Variants in VCF1 observed in about 807,000 individuals in gnomAD.
VCF1 encodes VCP nuclear cofactor family member 1, also known as protein VCF1.
At chr17:73,213,227 A>G in the VCF1 span, among the ~76,000 whole-genome samples, 1 of 104,242 alleles carries the variant, frequency 9.6e-6, no homozygotes, top group Non-Finnish European at 2.2e-5. Context: ...CTGGCAACAA[A>G]GCAAGACTGT....
At chr17:73,229,251 C>A in the VCF1 span, 3 of 985,310 alleles carry the variant, frequency 3.0e-6, no homozygotes, top group Non-Finnish European at 3.6e-6. Flanking sequence ...TCTTCATTTG[C>A]CTTTTTCTAG....
the VCF1 span, chr17:73,227,170 T>C: frequency 1.3e-6 from 2 of 1,583,802 alleles, no homozygotes; most frequent in Non-Finnish European, 1.7e-6. Context: ...CCTACCTCTG[T>C]GTCCCAGGAA....
the VCF1 span, chr17:73,208,040 A>G: frequency 2.2e-6 from 3 of 1,354,098 alleles, 1 homozygote; most frequent in East Asian, 3.1e-5. Flanking sequence ...AGTTCTGCCC[A>G]CATTAGGTTA....
chr17:73,217,716 G>T, the VCF1 span, among the ~76,000 whole-genome samples: 6 of 151,876 alleles, frequency 4.0e-5, no homozygotes, highest in Non-Finnish European at 8.8e-5. Flanking sequence ...CACTTTGGGA[G>T]GCCGAGGCAG....
At chr17:73,225,154 C>A in the VCF1 span, among the ~76,000 whole-genome samples, 1 of 152,234 alleles carries the variant, frequency 6.6e-6, no homozygotes, top group East Asian at 1.9e-4. Flanking sequence ...CCAGTAATGA[C>A]CTTAAACGAT....
At chr17:73,216,485 G>C in the VCF1 span, among the ~76,000 whole-genome samples, 1 of 152,194 alleles carries the variant, frequency 6.6e-6, no homozygotes, top group Non-Finnish European at 1.5e-5. Flanking sequence ...ACTGGCGGGA[G>C]GGAGAGGGAG....
chr17:73,215,576 T>A, the VCF1 span, among the ~76,000 whole-genome samples: 1 of 152,164 alleles, frequency 6.6e-6, no homozygotes, highest in African/African-American at 2.4e-5. Flanking sequence ...ACCTGGCCAC[T>A]AGGGGCTTTT....
the VCF1 span, among the ~76,000 whole-genome samples, chr17:73,223,410 A>T: frequency 6.6e-6 from 1 of 152,228 alleles, no homozygotes; most frequent in Non-Finnish European, 1.5e-5. Context: ...TCTCTATATA[A>T]CTAATCCGGC....
At chr17:73,224,944 GCACA>G in the VCF1 span, among the ~76,000 whole-genome samples, 6 of 131,164 alleles carry the variant, frequency 4.6e-5, no homozygotes, top group East Asian at 2.4e-4. Flanking sequence ...GCACAGCACA[GCACA>G]GCACAGGACA....
the VCF1 span, among the ~76,000 whole-genome samples, chr17:73,226,996 G>T: frequency 6.6e-6 from 1 of 152,174 alleles, no homozygotes; most frequent in Non-Finnish European, 1.5e-5. Context: ...TGGGGACAGG[G>T]TACACAGCTT....
At chr17:73,232,250 C>T in the VCF1 span, 2 of 1,611,654 alleles carry the variant, frequency 1.2e-6, no homozygotes, top group East Asian at 2.2e-5. Context: ...GTGGCGAGTA[C>T]CCCTCAGTCG....
chr17:73,220,441 T>G, the VCF1 span, among the ~76,000 whole-genome samples: 1 of 152,084 alleles, frequency 6.6e-6, no homozygotes, highest in Admixed American at 6.6e-5. Context: ...GTAAGCCACT[T>G]CTTTTTTTTG....
chr17:73,230,812 ATTATTTG>A, the VCF1 span, among the ~76,000 whole-genome samples: 1 of 152,266 alleles, frequency 6.6e-6, no homozygotes, highest in South Asian at 2.1e-4. Context: ...ACATGTTGAG[ATTATTTG>A]TGTACAAGAT....
the VCF1 span, among the ~76,000 whole-genome samples, chr17:73,217,002 A>C: frequency 6.6e-6 from 1 of 152,218 alleles, no homozygotes; most frequent in South Asian, 2.1e-4. Context: ...AGCTATGTGT[A>C]TATTATCTAG....
At chr17:73,226,134 C>T in the VCF1 span, among the ~76,000 whole-genome samples, 1 of 151,868 alleles carries the variant, frequency 6.6e-6, no homozygotes, top group Non-Finnish European at 1.5e-5. Flanking sequence ...AACTCCTGAC[C>T]TCGTGATCTG....
the VCF1 span, among the ~76,000 whole-genome samples, chr17:73,213,839 G>A: frequency 3.3e-5 from 5 of 152,204 alleles, no homozygotes; most frequent in Middle Eastern, 3.4e-3. Context: ...GCGTGGTGGC[G>A]CATCCCTGTA....
chr17:73,212,860 T>C, the VCF1 span: 1 of 597,116 alleles, frequency 1.7e-6, no homozygotes, highest in African/African-American at 1.9e-5. Context: ...AGGCAAAAGT[T>C]CTTTAAACAG....
At chr17:73,220,000 A>G in the VCF1 span, among the ~76,000 whole-genome samples, 1 of 151,644 alleles carries the variant, frequency 6.6e-6, no homozygotes, top group Non-Finnish European at 1.5e-5. Flanking sequence ...AAAAAAAAAC[A>G]AAACTTAATT....
At chr17:73,214,832 A>G in the VCF1 span, among the ~76,000 whole-genome samples, 10 of 152,234 alleles carry the variant, frequency 6.6e-5, no homozygotes, top group Admixed American at 4.6e-4. Context: ...ACAAGGGTCC[A>G]AAGACTTTGG....
Sources: allele counts gnomAD v4.1 joint callset (sites outside exome capture counted in the v4.1 genomes callset), GRCh38; gene constraint gnomAD v4.1.1; transcripts MANE v1.5; gene names NCBI Gene and HGNC (gene_info 2026-07-23, HGNC 2026-07-21).